CACNA1C: variants seen among roughly 807,000 people sequenced by gnomAD.
CACNA1C encodes the protein voltage-dependent L-type calcium channel subunit alpha-1C.
CACNA1C carries 30 observed loss-of-function variants against 229.0 expected under a neutral mutation model. That is an observed-to-expected ratio of 0.13 (90% CI 0.10 to 0.18). The LOEUF is 0.18. Among genes scored for constraint, CACNA1C ranks in the 10% least tolerant of loss-of-function variants. The pLI, the probability that CACNA1C is intolerant of heterozygous loss-of-function variation, is 1.00. For missense variants in CACNA1C, 1,658 were observed against 2,845.0 expected, an observed-to-expected ratio of 0.58 and a Z score of 9.49; for synonymous variants, 1,114 against 1,132.5, an observed-to-expected ratio of 0.98 and a Z score of 0.33.
chr12:2,347,680 G>A (rs182238717), intron 3 of CACNA1C, among the ~76,000 whole-genome samples: 2 of 152,360 alleles, frequency 1.3e-5, no homozygotes, highest in East Asian at 3.9e-4. Flanking sequence ...TTGTGGGAGG[G>A]TTTGCCTTAT....
intron 3 of CACNA1C, among the ~76,000 whole-genome samples, chr12:2,408,534 G>A (rs2098765319): frequency 6.6e-6 from 1 of 151,496 alleles, no homozygotes; most frequent in South Asian, 2.1e-4. Context: ...ATGTTTCTGG[G>A]TTCCCCAGGA....
At chr12:1,977,188 T>C (rs1252958208) in intron 1 of CACNA1C, among the ~76,000 whole-genome samples, 1 of 152,150 alleles carries the variant, frequency 6.6e-6, no homozygotes, top group Admixed American at 6.5e-5. Flanking sequence ...ATTTGTTAAG[T>C]TGGAAGAGCT....
Position 2,692,588 on chromosome 12 carries a change from A to G in CACNA1C, c.*1389A>G, listed in dbSNP as rs1184236352. 2 of 152,688 alleles carry G rather than the reference A, an allele frequency of 1.3e-5. No individual in the cohort carries two copies. Among genetic ancestry groups the G allele is most frequent in the Non-Finnish European group, 2.9e-5 (2 of 68,044 alleles). The allele number at this position is 152,688 out of a possible 1,614,324, so 9.5% of individuals were successfully genotyped here. ...TAACTCTTTGCATTTTCTGTCCCAC[A>G]AGATATGCAAAAACAATGCAATAAT... On this transcript the variant is annotated 3_prime_UTR_variant, in exon 47 of 47. Transcript: ENST00000399655.
At chr12:2,077,990 G>A (rs983216316) in intron 1 of CACNA1C, among the ~76,000 whole-genome samples, 19 of 152,238 alleles carry the variant, frequency 1.2e-4, no homozygotes, top group African/African-American at 4.3e-4. Context: ...AAAATGTGGT[G>A]TATACATACT....
At chr12:2,452,163 G>C (rs933087517) in intron 4 of CACNA1C, among the ~76,000 whole-genome samples, 1 of 152,136 alleles carries the variant, frequency 6.6e-6, no homozygotes, top group Non-Finnish European at 1.5e-5. Flanking sequence ...GAGAAAGGTG[G>C]ACCTGCCTGC....
chr12:2,369,217 C>T (rs1371449190), intron 3 of CACNA1C, among the ~76,000 whole-genome samples: 2 of 152,012 alleles, frequency 1.3e-5, no homozygotes, highest in Admixed American at 6.6e-5. Flanking sequence ...GTTTAAAATT[C>T]CCCTCAATTT....
chr12:1,980,265 G>C (rs1442910289), intron 1 of CACNA1C, among the ~76,000 whole-genome samples: 1 of 152,190 alleles, frequency 6.6e-6, no homozygotes, highest in African/African-American at 2.4e-5. Context: ...TGATGCAGTG[G>C]AGTACTACAC....
At chr12:2,135,564 C>CCG (rs1351870589) in intron 3 of CACNA1C, among the ~76,000 whole-genome samples, 2 of 133,126 alleles carry the variant, frequency 1.5e-5, no homozygotes, top group South Asian at 2.3e-4. Flanking sequence ...GAGTACCCTG[C>CCG]TGTGAGAGGT....
chr12:2,408,649 G>A (rs1044567731), intron 3 of CACNA1C, among the ~76,000 whole-genome samples: 3 of 151,972 alleles, frequency 2.0e-5, no homozygotes, highest in African/African-American at 7.3e-5. Context: ...TACATATAAC[G>A]TACAGGGATT....
intron 3 of CACNA1C, among the ~76,000 whole-genome samples, chr12:2,391,875 C>CAGTGTAAAGTT (rs1292896081): frequency 2.6e-5 from 4 of 152,220 alleles, no homozygotes; most frequent in Non-Finnish European, 5.9e-5. Context: ...AAGTTCAGTT[C>CAGTGTAAAGTT]CTCAGTGGCA....
intron 1 of CACNA1C, among the ~76,000 whole-genome samples, chr12:2,056,974 G>C (rs2055234826): frequency 6.6e-6 from 1 of 152,232 alleles, no homozygotes; most frequent in Admixed American, 6.5e-5. Flanking sequence ...GGGGTGTTGA[G>C]AGAGAAGTAT....
intron 1 of CACNA1C, among the ~76,000 whole-genome samples, chr12:2,065,399 A>G (rs1292876690): frequency 6.6e-6 from 1 of 152,240 alleles, no homozygotes; most frequent in Non-Finnish European, 1.5e-5. Flanking sequence ...GATGAAAACA[A>G]TTCTAAATAG....
chr12:2,061,827 C>A (rs181734701), intron 1 of CACNA1C, among the ~76,000 whole-genome samples: 2 of 152,152 alleles, frequency 1.3e-5, no homozygotes, highest in African/African-American at 4.8e-5. Flanking sequence ...TACAGGAGGA[C>A]GGGCTGGAAA....
At chr12:2,291,569 C>T (rs571656140) in intron 3 of CACNA1C, among the ~76,000 whole-genome samples, 4 of 152,258 alleles carry the variant, frequency 2.6e-5, no homozygotes, top group Admixed American at 6.5e-5. Flanking sequence ...TTGTGTTTAG[C>T]GTAAATATAG....
At position 2,493,299 on chromosome 12, in the gene CACNA1C, C is replaced by T. The variant is rs752842357; in HGVS notation, c.1026C>T (p.Gly342=). 2 of 1,614,020 alleles carry T rather than the reference C, an allele frequency of 1.2e-6. No individual in the cohort carries two copies. Among genetic ancestry groups the T allele is most frequent in the African/African-American group, 2.7e-5 (2 of 74,936 alleles). Residue 342 remains glycine, a synonymous_variant, in exon 7 of 47, where the codon GGC becomes GGT. Coordinates refer to ENST00000399655, the MANE Select transcript of CACNA1C (RefSeq NM_000719.7). This position sits in a 1 kb window ranked among gnomAD's most constrained non-coding sequence, Gnocchi z 4.6. ...CCGGCTGGGATGGTCCCAAGCACGG[C>T]ATCACCAACTTTGACAACTTTGCCT... ...CKPGWDGPKH[G]ITNFDNFAFA...
intron 3 of CACNA1C, among the ~76,000 whole-genome samples, chr12:2,334,746 GAATA>G (rs3831599): frequency 0.1 from 15,400 of 152,092 alleles, 861 homozygotes; most frequent in South Asian, 0.14. Context: ...AAAATTAAGA[GAATA>G]AATAAACTGT....
chr12:2,046,797 A>G (rs1371246172), intron 1 of CACNA1C, among the ~76,000 whole-genome samples: 2 of 152,146 alleles, frequency 1.3e-5, no homozygotes, highest in South Asian at 2.1e-4. Context: ...AGTGTAGTGT[A>G]TAACAGCCCA....
chr12:2,067,809 A>G lies in CACNA1C; in HGVS notation c.49+14198A>G, dbSNP rs760106523. ...AGACCACAAGTGCCAACCTCAGCGC[A>G]CTCACCTGGAGAATACTTACCTTCA... On this transcript the variant is annotated intron_variant, in intron 1 of 46. Transcript: ENST00000399655. This position sits in a 1 kb window ranked among gnomAD's most constrained non-coding sequence, Gnocchi z 5.3. Among the ~76,000 whole-genome samples, 1 of 151,992 alleles carries G rather than the reference A, an allele frequency of 6.6e-6. No homozygotes were observed. The highest frequency in any genetic ancestry group is 2.4e-5 in the African/African-American group (1 of 41,374).
At chr12:2,395,727 C>A (rs767665198) in intron 3 of CACNA1C, among the ~76,000 whole-genome samples, 6 of 152,114 alleles carry the variant, frequency 3.9e-5, no homozygotes, top group African/African-American at 1.4e-4. Context: ...TTCCTTTCAA[C>A]GCAGCACCTC....
Sources: gnomAD v4.1 joint callset for allele counts (sites outside exome capture counted in the v4.1 genomes callset) on GRCh38, gnomAD v4.1.1 for gene constraint, Gnocchi (gnomAD v3.1) non-coding constraint, MANE v1.5 for transcripts, NCBI Gene and HGNC (gene_info 2026-07-23, HGNC 2026-07-21) for gene names.